RSPO3: variants seen among roughly 807,000 people sequenced by gnomAD.
RSPO3 encodes R-spondin 3, also known as R-spondin-3.
Under a neutral mutation model 36.5 loss-of-function variants are expected in RSPO3, and 17 were observed. That is an observed-to-expected ratio of 0.47 (90% CI 0.32 to 0.70). RSPO3 has a LOEUF of 0.70. Among genes scored for constraint, RSPO3 ranks in the 30% least tolerant of loss-of-function variants. The probability of loss-of-function intolerance (pLI) is 0.04; values close to 1 mark genes in which losing one functional copy is unlikely to be tolerated. For synonymous variants in RSPO3, 108 were observed against 107.0 expected, an observed-to-expected ratio of 1.01 and a Z score of -0.06; for missense variants, 294 against 322.5, an observed-to-expected ratio of 0.91 and a Z score of 0.68.
intron 4 of RSPO3, among the ~76,000 whole-genome samples, chr6:127,183,136 C>T (rs1192463122): frequency 3.9e-5 from 6 of 151,934 alleles, no homozygotes; most frequent in Non-Finnish European, 7.4e-5. Flanking sequence ...TCCACACTCC[C>T]AACCTCAGGG....
intron 4 of RSPO3, among the ~76,000 whole-genome samples, chr6:127,167,784 C>G (rs1030998519): frequency 6.6e-6 from 1 of 151,888 alleles, no homozygotes; most frequent in African/African-American, 2.4e-5. Context: ...CAACAGGCCC[C>G]GGTGTGTGAT....
At chr6:127,186,386 G>C (rs968993206) in intron 4 of RSPO3, among the ~76,000 whole-genome samples, 4 of 152,130 alleles carry the variant, frequency 2.6e-5, no homozygotes, top group African/African-American at 9.7e-5. Context: ...TCAGTCATGA[G>C]AGGAATATGT....
chr6:127,140,015 A>G (rs905731993), intron 1 of RSPO3, among the ~76,000 whole-genome samples: 1 of 152,166 alleles, frequency 6.6e-6, no homozygotes, highest in Non-Finnish European at 1.5e-5. Context: ...AATTGTAGCT[A>G]GTCGGTTGGT....
At chr6:127,162,385 TAAC>T (rs1774725729) in intron 4 of RSPO3, among the ~76,000 whole-genome samples, 2 of 152,178 alleles carry the variant, frequency 1.3e-5, no homozygotes, top group Admixed American at 1.3e-4. Context: ...CTCATTCACT[TAAC>T]AATCTCTTAT....
At chr6:127,120,518 T>A (rs564925679) in intron 1 of RSPO3, among the ~76,000 whole-genome samples, 26 of 152,144 alleles carry the variant, frequency 1.7e-4, no homozygotes, top group Non-Finnish European at 3.5e-4. Flanking sequence ...TCTCCCAGCG[T>A]CCCGCCCGGG....
intron 2 of RSPO3, among the ~76,000 whole-genome samples, chr6:127,149,796 A>G (rs1331126189): frequency 6.6e-6 from 1 of 152,098 alleles, no homozygotes; most frequent in Non-Finnish European, 1.5e-5. Flanking sequence ...AAATGAAATT[A>G]TACCAATGAC....
At chr6:127,184,530 G>A (rs961170632) in intron 4 of RSPO3, among the ~76,000 whole-genome samples, 2 of 151,942 alleles carry the variant, frequency 1.3e-5, no homozygotes, top group African/African-American at 4.8e-5. Context: ...GAAAGTCTAT[G>A]CATAGGAGGT....
rs1365621513 is a variant in RSPO3 at position 127,199,215 on chromosome 6, T to C, written c.*3208T>C. Among the ~76,000 whole-genome samples the C allele has an allele frequency of 6.6e-6, 1 of 152,198 alleles. No homozygotes were observed. The highest frequency in any genetic ancestry group is 1.5e-5 in the Non-Finnish European group (1 of 68,034). On this transcript the variant is annotated 3_prime_UTR_variant, in exon 5 of 5. Transcript: ENST00000356698. ...AGAATATCATCCCAAATCTGCAAAA[T>C]GGAATTGGCATCATCTCTTTTGCAA...
Position 127,119,282 on chromosome 6 carries a change from G to T in RSPO3, c.90G>T (p.Gln30His). The T allele has an allele frequency of 6.2e-7, 1 of 1,611,574 alleles. No homozygotes were observed. Among genetic ancestry groups the T allele is most frequent in the Non-Finnish European group, 8.5e-7 (1 of 1,178,212 alleles). The change falls in exon 1 of 5, where the codon CAG (glutamine) becomes CAT (histidine). Residue 30 changes from glutamine (Q) to histidine (H), a missense_variant. By Grantham distance (24) the Gln-to-His change is conservative (BLOSUM62 0). Coordinates refer to ENST00000356698, the MANE Select transcript of RSPO3 (RefSeq NM_032784.5). ...AAAACGCCTCCCGGGGAAGGCGCCA[G>T]CGAAGAAGTAAGTGCAGGGTTTTTT... ...GSQNASRGRR[Q>H]RRMHPNVSQG...
intron 4 of RSPO3, among the ~76,000 whole-genome samples, chr6:127,161,871 T>G (rs1376466930): frequency 2.6e-5 from 4 of 152,164 alleles, no homozygotes; most frequent in Non-Finnish European, 5.9e-5. Context: ...TGTTTAGGTC[T>G]GGTGCACGAG....
chr6:127,119,343 G>T, intron 1 of RSPO3, 54 bp downstream of exon 1: 1 of 1,365,446 alleles, frequency 7.3e-7, no homozygotes, highest in East Asian at 2.3e-5. Context: ...TCACCTGTCG[G>T]GTCGCTTTGC....
chr6:127,139,231 T>G (rs996815460), intron 1 of RSPO3, among the ~76,000 whole-genome samples: 6 of 152,242 alleles, frequency 3.9e-5, no homozygotes, highest in Non-Finnish European at 8.8e-5. Context: ...CTGGAGTTTT[T>G]AAAAATGGTA....
intron 4 of RSPO3, among the ~76,000 whole-genome samples, chr6:127,167,341 C>CGATG (rs1401666987): frequency 6.6e-6 from 1 of 151,940 alleles, no homozygotes; most frequent in Non-Finnish European, 1.5e-5. Context: ...GCGTTCTCAT[C>CGATG]GTTCAGCTCC....
chr6:127,145,087 G>A (rs543257794), intron 1 of RSPO3, among the ~76,000 whole-genome samples: 18 of 152,076 alleles, frequency 1.2e-4, no homozygotes, highest in African/African-American at 3.4e-4. Context: ...CTTTTTAAAC[G>A]TCAGTATTCT....
intron 4 of RSPO3, among the ~76,000 whole-genome samples, chr6:127,164,858 G>T (rs891395412): frequency 1.3e-5 from 2 of 151,996 alleles, no homozygotes; most frequent in Admixed American, 6.6e-5. Flanking sequence ...CCTTGCAAAT[G>T]GTTGTTTTGT....
At chr6:127,161,129 T>A (rs1169899637) in intron 4 of RSPO3, among the ~76,000 whole-genome samples, 1 of 152,148 alleles carries the variant, frequency 6.6e-6, no homozygotes, top group African/African-American at 2.4e-5. Flanking sequence ...CCCCACCTCT[T>A]ATTGTTTCCT....
intron 4 of RSPO3, among the ~76,000 whole-genome samples, chr6:127,194,305 A>G (rs957934900): frequency 1.3e-5 from 2 of 152,182 alleles, no homozygotes; most frequent in Non-Finnish European, 2.9e-5. Flanking sequence ...ATTTTTGTCA[A>G]AAGTTACTTA....
In RSPO3 at chr6:127,155,229, G is replaced by A; in HGVS notation, c.437-12G>A. On this transcript the variant is annotated splice_polypyrimidine_tract_variant and intron_variant, in intron 3 of 4. Transcript: ENST00000356698. The stretch of plus-strand genomic sequence containing the variant: ...TAAGCCAGCTGAGTCTGTTTCTTCT[G>A]TTCTGTTTCAGTGCACTGTGAGGTC... 2 of 1,613,340 alleles carry A rather than the reference G, an allele frequency of 1.2e-6. No homozygotes were observed. Among genetic ancestry groups the A allele is most frequent in the Non-Finnish European group, 1.7e-6 (2 of 1,179,454 alleles).
At chr6:127,158,936 A>AAT (rs1774649804) in intron 4 of RSPO3, among the ~76,000 whole-genome samples, 1 of 152,204 alleles carries the variant, frequency 6.6e-6, no homozygotes, top group African/African-American at 2.4e-5. Context: ...AAATATCAAA[A>AAT]ATATAGATTT....
Sources: gnomAD v4.1 joint callset for allele counts (sites outside exome capture counted in the v4.1 genomes callset) on GRCh38, gnomAD v4.1.1 for gene constraint, MANE v1.5 for transcripts, NCBI Gene and HGNC (gene_info 2026-07-23, HGNC 2026-07-21) for gene names.